HIVEP3: variants seen among roughly 807,000 people sequenced by gnomAD.
HIVEP3 encodes the protein HIVEP zinc finger 3.
In HIVEP3, 49 loss-of-function variants were observed where a neutral mutation model predicts 152.8. The ratio of observed to expected loss-of-function variants is 0.32; its 90% confidence interval spans 0.26 to 0.41. The LOEUF is 0.41. HIVEP3 is among the 10% of genes least tolerant of loss of function. HIVEP3 has a pLI of 1.00. For missense variants in HIVEP3, 2,790 were observed against 3,103.3 expected (o/e 0.90, Z 2.40); for synonymous variants, 1,269 against 1,289.0 (o/e 0.98, Z 0.33).
At chr1:42,012,922 C>T (rs1436950447) in intron 1 of HIVEP3, among the ~76,000 whole-genome samples, 2 of 152,206 alleles carry the variant, frequency 1.3e-5, no homozygotes, top group East Asian at 1.9e-4. Flanking sequence ...CAGACCAAGA[C>T]ATTAGATGTG....
chr1:41,851,661 C>G (rs1381540868), intron 1 of HIVEP3, among the ~76,000 whole-genome samples: 2 of 152,178 alleles, frequency 1.3e-5, no homozygotes, highest in Admixed American at 1.3e-4. Flanking sequence ...CTTCCTGTTT[C>G]TCTCATTTTC....
chr1:41,544,844 TACCACCACCACCACCACCACCAC>T (rs1643661710), intron 5 of HIVEP3, among the ~76,000 whole-genome samples: 6 of 11,846 alleles, frequency 5.1e-4, no homozygotes, highest in East Asian at 3.2e-3. Context: ...CCACCACCAC[TACCACCACCACCACCACCACCAC>T]CACCACCACT....
chr1:41,856,955 T>G (rs1298549786), intron 1 of HIVEP3, among the ~76,000 whole-genome samples: 1 of 152,192 alleles, frequency 6.6e-6, no homozygotes, highest in Non-Finnish European at 1.5e-5. Context: ...TGCGGCTCTA[T>G]AAATAACCAC....
In HIVEP3 at chr1:41,581,216, C is replaced by T; in HGVS notation, c.3582G>A (p.Gln1194=). Residue 1194 remains glutamine (Q), a synonymous_variant, in exon 4 of 9, where the codon CAG becomes CAA. Coordinates refer to ENST00000372583, the MANE Select transcript of HIVEP3 (RefSeq NM_024503.5). This position sits in a 1 kb window ranked among gnomAD's most constrained non-coding sequence, Gnocchi z 4.5. ...SLFQAPPLPL[Q]PTVLHPGQLH... is the part of the protein sequence containing the mutation. ...GTTGGCCTGGGTGCAGAACAGTAGG[C>T]TGGAGAGGAAGCGGTGGGGCTTGAA... is the stretch of plus-strand genomic sequence containing the variant. 1 of 1,570,348 alleles carries T rather than the reference C, an allele frequency of 6.4e-7. No homozygotes were observed. The highest frequency in any genetic ancestry group is 1.4e-5 in the African/African-American group (1 of 73,906).
At chr1:41,694,197 C>T (rs937624640) in intron 2 of HIVEP3, among the ~76,000 whole-genome samples, 13 of 152,132 alleles carry the variant, frequency 8.5e-5, no homozygotes, top group Admixed American at 7.9e-4. Context: ...GTCTTTTTCC[C>T]TCTATGCTTT....
intron 1 of HIVEP3, among the ~76,000 whole-genome samples, chr1:41,761,942 A>AG: frequency 6.6e-6 from 1 of 152,372 alleles, no homozygotes; most frequent in South Asian, 2.1e-4. Flanking sequence ...TACAAGTCCC[A>AG]GGTAAATCCA....
chr1:41,897,938 G>GGAGAGAGAGAGAGA (rs71065103), intron 1 of HIVEP3, among the ~76,000 whole-genome samples: 32 of 130,084 alleles, frequency 2.5e-4, no homozygotes, highest in Non-Finnish European at 3.7e-4. Context: ...TGAGAGAGAG[G>GGAGAGAGAGAGAGA]GAGAGAGAGA....
intron 1 of HIVEP3, among the ~76,000 whole-genome samples, chr1:41,868,222 T>C (rs1361530440): frequency 2.0e-5 from 3 of 151,718 alleles, no homozygotes; most frequent in African/African-American, 7.3e-5. Context: ...GTCTTGTTTT[T>C]CTCACTCAAA....
intron 1 of HIVEP3, among the ~76,000 whole-genome samples, chr1:41,917,921 G>A (rs1557519895): frequency 6.6e-6 from 1 of 152,200 alleles, no homozygotes; most frequent in Non-Finnish European, 1.5e-5. Context: ...GCAGGCTACT[G>A]CAGTCCGCCT....
At chr1:41,928,398 G>C (rs997462821) in intron 1 of HIVEP3, among the ~76,000 whole-genome samples, 1 of 151,966 alleles carries the variant, frequency 6.6e-6, no homozygotes, top group African/African-American at 2.4e-5. Flanking sequence ...GACTTATAGA[G>C]GAATTGTAAA....
At chr1:41,568,313 C>G (rs995564655) in intron 5 of HIVEP3, among the ~76,000 whole-genome samples, 8 of 152,214 alleles carry the variant, frequency 5.3e-5, no homozygotes, top group Non-Finnish European at 1.0e-4. Context: ...CCATGAGAGT[C>G]TCTGGAAAAA....
At chr1:41,879,145 T>G (rs967178203) in intron 1 of HIVEP3, among the ~76,000 whole-genome samples, 7 of 152,194 alleles carry the variant, frequency 4.6e-5, no homozygotes, top group Admixed American at 2.6e-4. Flanking sequence ...ATGGGCACCC[T>G]AGCGGAAAGA....
chr1:41,910,172 A>G (rs1438060457), intron 1 of HIVEP3, among the ~76,000 whole-genome samples: 1 of 152,018 alleles, frequency 6.6e-6, no homozygotes, highest in Non-Finnish European at 1.5e-5. Context: ...AATAACATTG[A>G]GAAAATTCTT....
At position 41,655,841 on chromosome 1, in the gene HIVEP3, T is replaced by C. The variant is rs192462665; in HGVS notation, c.-720-26894A>G. 1.3e-3 allele frequency among the ~76,000 whole-genome samples: 203 copies of C among 152,212 alleles called. 1 individual carries two copies. The highest frequency in any genetic ancestry group is 6.8e-3 in the Middle Eastern group (2 of 294). On this transcript the variant is annotated intron_variant, in intron 2 of 8. Transcript: ENST00000372583. ...CAGTGCCTAGAGCAGCCCTGACATA[T>C]AGTGAGGGCTCAACAGATGTCTGCT...
At chr1:41,823,361 C>A (rs1323758419) in intron 1 of HIVEP3, among the ~76,000 whole-genome samples, 3 of 152,216 alleles carry the variant, frequency 2.0e-5, no homozygotes, top group African/African-American at 7.2e-5. Flanking sequence ...CACCAAGATG[C>A]AGATACAAAA....
chr1:41,955,497 A>C (rs969871449), intron 1 of HIVEP3, among the ~76,000 whole-genome samples: 7 of 152,114 alleles, frequency 4.6e-5, no homozygotes, highest in African/African-American at 7.2e-5. Context: ...ACAGCACACA[A>C]AAAAAAACCC....
intron 1 of HIVEP3, among the ~76,000 whole-genome samples, chr1:41,960,024 C>T (rs1645161264): frequency 6.6e-6 from 1 of 152,060 alleles, no homozygotes; most frequent in Non-Finnish European, 1.5e-5. Context: ...TAGGGTATCT[C>T]CTGGTACTTC....
At chr1:41,715,311 G>A (rs1002499776) in intron 1 of HIVEP3, among the ~76,000 whole-genome samples, 2 of 152,180 alleles carry the variant, frequency 1.3e-5, no homozygotes, top group South Asian at 2.1e-4. Context: ...GATAGGAGGC[G>A]GCTTGGCAGA....
chr1:41,580,009 T>A lies in HIVEP3; in HGVS notation c.4789A>T (p.Ser1597Cys), dbSNP rs1261811186. 1.9e-6 allele frequency: 3 copies of A among 1,614,236 alleles called. No homozygotes were observed. Among genetic ancestry groups the A allele is most frequent in the Non-Finnish European group, 2.5e-6 (3 of 1,180,050 alleles). Reference sequence around the variant, plus strand: ...CTGACATTAGTGGTTGTGTGGAGGCTGGGGAACTGCAGTACCTTCTTTGAG... The same window carrying A: ...CTGACATTAGTGGTTGTGTGGAGGCAGGGGAACTGCAGTACCTTCTTTGAG... ...TDSKKVLQFP[S>C]LHTTTNVSWC... The change falls in exon 4 of 9, where the codon AGC (serine) becomes TGC (cysteine). Residue 1597 changes from serine to cysteine, a missense_variant. By Grantham distance (112) the Ser-to-Cys change is moderately radical (BLOSUM62 -1). Transcript: ENST00000372583.
Sources: gnomAD v4.1 joint callset for allele counts (sites outside exome capture counted in the v4.1 genomes callset) on GRCh38, gnomAD v4.1.1 for gene constraint, Gnocchi (gnomAD v3.1) non-coding constraint, MANE v1.5 for transcripts, NCBI Gene and HGNC (gene_info 2026-07-23, HGNC 2026-07-21) for gene names.